The following WWOX variants were observed in gnomAD, a reference collection of about 807,000 sequenced individuals.
The protein encoded by WWOX is WW domain containing oxidoreductase.
WWOX carries 69 observed loss-of-function variants against 46.2 expected under a neutral mutation model. The ratio of observed to expected loss-of-function variants is 1.49; its 90% CI spans 1.23 to 1.82. WWOX has a LOEUF of 1.82. Ranked by LOEUF, WWOX falls within the 40% of genes most tolerant of loss-of-function variation. The pLI is 0.00. For missense variants in WWOX, 919 were observed against 542.6 expected, an observed-to-expected ratio of 1.69 and a Z score of -6.89; for synonymous variants, 359 against 202.6, an observed-to-expected ratio of 1.77 and a Z score of -6.56.
At chr16:78,714,191 A>G (rs561743450) in intron 8 of WWOX, among the ~76,000 whole-genome samples, 62 of 152,310 alleles carry the variant, frequency 4.1e-4, no homozygotes, top group African/African-American at 1.4e-3. Context: ...ATATTAGTCT[A>G]TTCTCACACT....
At chr16:78,360,302 T>C (rs1046028320) in intron 5 of WWOX, among the ~76,000 whole-genome samples, 1 of 152,116 alleles carries the variant, frequency 6.6e-6, no homozygotes, top group Admixed American at 6.6e-5. Flanking sequence ...GTTGGAGAAG[T>C]AGGCTGGGCA....
intron 8 of WWOX, among the ~76,000 whole-genome samples, chr16:79,114,818 C>G (rs1405834970): frequency 6.6e-6 from 1 of 152,168 alleles, no homozygotes; most frequent in Admixed American, 6.5e-5. Context: ...GATCACTCAT[C>G]AAGGGGCCGT....
At chr16:79,155,856 A>G (rs2050371401) in intron 8 of WWOX, among the ~76,000 whole-genome samples, 1 of 151,784 alleles carries the variant, frequency 6.6e-6, no homozygotes, top group Non-Finnish European at 1.5e-5. Context: ...GGACTAATAC[A>G]TATAAGAAGG....
At chr16:78,182,099 C>G (rs78908275) in intron 5 of WWOX, among the ~76,000 whole-genome samples, 4,937 of 152,278 alleles carry the variant, frequency 0.032, 266 homozygotes, top group African/African-American at 0.11. Context: ...AAGTTCAAAT[C>G]CGGTTTATGC....
chr16:78,931,334 T>G (rs1037308369), intron 8 of WWOX, among the ~76,000 whole-genome samples: 2 of 152,146 alleles, frequency 1.3e-5, no homozygotes, highest in African/African-American at 4.8e-5. Flanking sequence ...TTCTTCTCTT[T>G]GGAGACTGAA....
intron 8 of WWOX, among the ~76,000 whole-genome samples, chr16:79,033,441 A>G (rs913909778): frequency 6.6e-6 from 1 of 151,012 alleles, no homozygotes; most frequent in Non-Finnish European, 1.5e-5. Flanking sequence ...GATGTACCAC[A>G]TTTTCTTTAT....
intron 8 of WWOX, among the ~76,000 whole-genome samples, chr16:78,499,970 C>G (rs370903278): frequency 2.0e-5 from 3 of 152,148 alleles, no homozygotes; most frequent in Admixed American, 6.5e-5. Context: ...CTCACTGAGA[C>G]TCATTTTGAA....
At chr16:79,208,227 G>A (rs529722121) in intron 8 of WWOX, among the ~76,000 whole-genome samples, 2 of 152,300 alleles carry the variant, frequency 1.3e-5, no homozygotes, top group Admixed American at 6.5e-5. Flanking sequence ...ATTCGGGCAT[G>A]ATTAAAAAGA....
At chr16:78,789,742 C>G (rs895422584) in intron 8 of WWOX, among the ~76,000 whole-genome samples, 1 of 152,158 alleles carries the variant, frequency 6.6e-6, no homozygotes, top group African/African-American at 2.4e-5. Flanking sequence ...CTCTTGTGAG[C>G]CACGGTTGGC....
chr16:78,226,724 G>A (rs956196746), intron 5 of WWOX, among the ~76,000 whole-genome samples: 11 of 152,016 alleles, frequency 7.2e-5, no homozygotes, highest in East Asian at 3.9e-4. Flanking sequence ...AATAGACGCC[G>A]GCATGGCTAT....
chr16:78,220,835 C>T (rs3764293), intron 5 of WWOX, among the ~76,000 whole-genome samples: 81,112 of 151,878 alleles, frequency 0.53, 22,065 homozygotes, highest in African/African-American at 0.64. Flanking sequence ...AGAAACATGC[C>T]CATCATTTCT....
Position 79,149,572 on chromosome 16 carries a change from G to A in WWOX, c.1057-62036G>A, listed in dbSNP as rs372957507. Among the ~76,000 whole-genome samples, 18 of 152,236 alleles carry A rather than the reference G, an allele frequency of 1.2e-4. No homozygotes were observed. In the South Asian group the frequency reaches 3.5e-3, roughly 30 times the overall value. On this transcript the variant is annotated intron_variant, in intron 8 of 8. Transcript: ENST00000566780. ...AGAATATAGCTCCCTTCCTAGGGACGGTCTCAAATGAGTCCCCATCAGCCA... is the reference window on the plus strand; with the variant it reads ...AGAATATAGCTCCCTTCCTAGGGACAGTCTCAAATGAGTCCCCATCAGCCA...
In WWOX at chr16:78,394,111, G is replaced by A. The variant is rs956910824; in HGVS notation, c.605+7163G>A. On this transcript the variant is annotated intron_variant, in intron 6 of 8. Coordinates refer to ENST00000566780, the MANE Select transcript of WWOX (RefSeq NM_016373.4). Reference sequence around the variant, plus strand: ...GGGATGAATTACCCTGAAGACCAACGTGTAAATTACATATTAATCTTTCTT... The same window carrying A: ...GGGATGAATTACCCTGAAGACCAACATGTAAATTACATATTAATCTTTCTT... 7.8e-4 allele frequency among the ~76,000 whole-genome samples: 119 copies of A among 152,208 alleles called. 1 individual carries two copies. Among genetic ancestry groups the A allele is most frequent in the African/African-American group, 2.6e-3 (107 of 41,542 alleles).
At chr16:78,347,482 A>C (rs2081114101) in intron 5 of WWOX, among the ~76,000 whole-genome samples, 1 of 116,468 alleles carries the variant, frequency 8.6e-6, no homozygotes, top group Non-Finnish European at 2.0e-5. Flanking sequence ...ATGTCCCCCC[A>C]CATATCATTG....
chr16:78,938,543 C>A (rs766833002), intron 8 of WWOX, among the ~76,000 whole-genome samples: 10 of 152,040 alleles, frequency 6.6e-5, no homozygotes, highest in African/African-American at 2.4e-4. Context: ...GTATTAGCAA[C>A]TGGCAACAGT....
chr16:79,026,799 T>TTTTC (rs1160402252), intron 8 of WWOX, among the ~76,000 whole-genome samples: 4 of 148,378 alleles, frequency 2.7e-5, no homozygotes, highest in African/African-American at 1.0e-4. Context: ...TTTTTTTTTT[T>TTTTC]TTGGTATTTT....
intron 8 of WWOX, among the ~76,000 whole-genome samples, chr16:79,073,473 C>T (rs114564416): frequency 0.023 from 3,425 of 152,172 alleles, 142 homozygotes; most frequent in African/African-American, 0.079. Flanking sequence ...AGCCACCGCG[C>T]CTGGCTTTGT....
At chr16:78,373,931 C>G (rs537290051) in intron 5 of WWOX, among the ~76,000 whole-genome samples, 1 of 152,022 alleles carries the variant, frequency 6.6e-6, no homozygotes. Context: ...GCATTAAATA[C>G]GTGTGCCACC....
intron 8 of WWOX, among the ~76,000 whole-genome samples, chr16:79,083,921 T>C (rs978205299): frequency 4.6e-5 from 7 of 152,226 alleles, no homozygotes; most frequent in African/African-American, 9.6e-5. Flanking sequence ...TGGGTTTCTT[T>C]TATGAGGTCG....
Sources: gnomAD v4.1 joint callset for allele counts (sites outside exome capture counted in the v4.1 genomes callset) on GRCh38, gnomAD v4.1.1 for gene constraint, MANE v1.5 for transcripts, NCBI Gene and HGNC (gene_info 2026-07-23, HGNC 2026-07-21) for gene names.